The following CHST8 variants were observed in gnomAD, a reference collection of about 807,000 sequenced individuals.
CHST8 encodes GALNAC-4-ST1.
Under a neutral mutation model 15.0 loss-of-function variants are expected in CHST8, and 10 were observed. That is an observed-to-expected ratio of 0.67 (90% CI 0.41 to 1.13). The LOEUF (loss-of-function observed/expected upper bound fraction) is 1.13. CHST8 is among the 50% of genes most tolerant of loss of function. The pLI is 0.00. For missense variants in CHST8, 634 were observed against 608.2 expected (o/e 1.04, Z -0.45); for synonymous variants, 259 against 256.6 (o/e 1.01, Z -0.09).
rs764650964 is a variant in CHST8, at chr19:33,772,325, C to A, written c.537C>A (p.Arg179=). Residue 179 remains arginine, a synonymous_variant, in exon 5 of 5, where the codon CGC becomes CGA. Transcript: ENST00000650847. ...GCAGCCGCCGGGCCGTCACGCCCCG[C>A]CACGTGTCCCGTATCTTCGTGGAGG... The part of the protein sequence containing the change: ...ASSSRRAVTP[R]HVSRIFVEDR... The A allele has an allele frequency of 1.2e-6, 2 of 1,605,564 alleles. No individual in the cohort carries two copies. Among genetic ancestry groups the A allele is most frequent in the Non-Finnish European group, 1.7e-6 (2 of 1,179,274 alleles).
intron 3 of CHST8, among the ~76,000 whole-genome samples, chr19:33,746,201 G>A (rs1974310210): frequency 6.6e-6 from 1 of 152,094 alleles, no homozygotes; most frequent in African/African-American, 2.4e-5. Context: ...TCTAAAATAT[G>A]TTCACATCGT....
At chr19:33,696,396 C>T (rs1006663498) in intron 3 of CHST8, among the ~76,000 whole-genome samples, 5 of 151,948 alleles carry the variant, frequency 3.3e-5, no homozygotes, top group African/African-American at 4.8e-5. Context: ...AAGCTGAGCT[C>T]GGCCTACTGT....
chr19:33,672,476 GGTGTGAGC>G, intron 2 of CHST8, among the ~76,000 whole-genome samples: 1 of 152,192 alleles, frequency 6.6e-6, no homozygotes, highest in East Asian at 1.9e-4. Flanking sequence ...TGGGATTACA[GGTGTGAGC>G]CCCTGTGCCT....
chr19:33,660,190 G>A (rs958761739), intron 1 of CHST8, among the ~76,000 whole-genome samples: 7 of 152,126 alleles, frequency 4.6e-5, no homozygotes, highest in African/African-American at 1.2e-4. Flanking sequence ...GAGGGAGAGC[G>A]ATTCAATCAA....
intron 1 of CHST8, among the ~76,000 whole-genome samples, chr19:33,653,528 A>G (rs1320556086): frequency 1.3e-5 from 2 of 152,188 alleles, no homozygotes; most frequent in Non-Finnish European, 2.9e-5. Context: ...AAATTTTTTC[A>G]GTCATCATCT....
At chr19:33,717,103 T>G (rs1973678587) in intron 3 of CHST8, among the ~76,000 whole-genome samples, 1 of 152,146 alleles carries the variant, frequency 6.6e-6, no homozygotes, top group Non-Finnish European at 1.5e-5. Context: ...TCCAGGCTCT[T>G]GACACCCTTG....
intron 2 of CHST8, among the ~76,000 whole-genome samples, chr19:33,673,752 CT>C (rs1238970782): frequency 2.0e-5 from 3 of 151,334 alleles, no homozygotes; most frequent in African/African-American, 4.9e-5. Flanking sequence ...CCTTCTCCCA[CT>C]TTTTTTTTAT....
At chr19:33,704,935 C>T (rs1285888536) in intron 3 of CHST8, among the ~76,000 whole-genome samples, 3 of 150,700 alleles carry the variant, frequency 2.0e-5, no homozygotes, top group African/African-American at 7.3e-5. Context: ...AGCTAAGAAT[C>T]GGTAACATAC....
At chr19:33,646,585 GT>G (rs1338319285) in intron 1 of CHST8, among the ~76,000 whole-genome samples, 1 of 152,216 alleles carries the variant, frequency 6.6e-6, no homozygotes, top group African/African-American at 2.4e-5. Flanking sequence ...GAGGGGGTTA[GT>G]TTCAGGAAGG....
At chr19:33,746,835 T>C (rs532175695) in intron 3 of CHST8, among the ~76,000 whole-genome samples, 39 of 152,316 alleles carry the variant, frequency 2.6e-4, no homozygotes, top group African/African-American at 9.4e-4. Flanking sequence ...CTTTTTTTTT[T>C]TCAAGGCATT....
intron 1 of CHST8, among the ~76,000 whole-genome samples, chr19:33,627,103 G>T (rs1162400087): frequency 1.6e-5 from 2 of 123,056 alleles, no homozygotes; most frequent in African/African-American, 5.9e-5. Flanking sequence ...TTTTTTGGGG[G>T]GGGGGCGGGT....
intron 3 of CHST8, among the ~76,000 whole-genome samples, chr19:33,709,225 T>A (rs1973503218): frequency 6.6e-6 from 1 of 152,206 alleles, no homozygotes; most frequent in African/African-American, 2.4e-5. Context: ...TCCTGCCTGA[T>A]TCAACTGACT....
intron 3 of CHST8, among the ~76,000 whole-genome samples, chr19:33,758,420 C>T (rs961578376): frequency 6.6e-6 from 1 of 152,326 alleles, no homozygotes; most frequent in Admixed American, 6.5e-5. Flanking sequence ...CCCCACTCTC[C>T]CCAGGGTGTC....
intron 3 of CHST8, among the ~76,000 whole-genome samples, chr19:33,765,623 G>A (rs1266441309): frequency 6.6e-6 from 1 of 151,670 alleles, no homozygotes; most frequent in African/African-American, 2.4e-5. Flanking sequence ...GTGTAGTGGC[G>A]CGATCTCCGC....
intron 2 of CHST8, among the ~76,000 whole-genome samples, chr19:33,672,645 C>T (rs1342193141): frequency 6.6e-6 from 1 of 152,118 alleles, no homozygotes; most frequent in Non-Finnish European, 1.5e-5. Context: ...GCCGGGCAGT[C>T]GGGGCCCACA....
intron 3 of CHST8, among the ~76,000 whole-genome samples, chr19:33,751,870 C>T (rs1050626052): frequency 3.3e-5 from 5 of 152,220 alleles, no homozygotes; most frequent in African/African-American, 4.8e-5. Context: ...CAGCATGGGG[C>T]CTGCGGCACC....
At chr19:33,756,526 A>G (rs530444490) in intron 3 of CHST8, among the ~76,000 whole-genome samples, 1 of 151,570 alleles carries the variant, frequency 6.6e-6, no homozygotes, top group Admixed American at 6.6e-5. Flanking sequence ...ATTCCCTGAG[A>G]CCTCCCTGTC....
At chr19:33,677,172 G>A (rs1409738603) in intron 2 of CHST8, among the ~76,000 whole-genome samples, 1 of 152,152 alleles carries the variant, frequency 6.6e-6, no homozygotes, top group East Asian at 1.9e-4. Context: ...GGGGGGCACT[G>A]GGGCATGAGT....
chr19:33,667,990 A>G (rs955154157), intron 2 of CHST8, 147 bp downstream of exon 2: 6 of 152,212 alleles, frequency 3.9e-5, no homozygotes, highest in Non-Finnish European at 8.8e-5. Flanking sequence ...GGGGAAAAAT[A>G]TCGGCTGTTT....
Sources: gnomAD v4.1 joint callset for allele counts (sites outside exome capture counted in the v4.1 genomes callset) on GRCh38, gnomAD v4.1.1 for gene constraint, MANE v1.5 for transcripts, NCBI Gene and HGNC (gene_info 2026-07-23, HGNC 2026-07-21) for gene names.